The following ROBO1 variants were observed in gnomAD, a reference collection of about 807,000 sequenced individuals.
The protein encoded by ROBO1 is roundabout guidance receptor 1.
ROBO1 carries 149 observed loss-of-function variants against 195.9 expected under a neutral mutation model. The observed-to-expected ratio is 0.76, with a 90% CI of 0.67 to 0.87. ROBO1 has a LOEUF of 0.87. ROBO1 is among the 40% of genes least tolerant of loss of function. The pLI, the probability that ROBO1 is intolerant of heterozygous loss-of-function variation, is 0.00. For missense variants in ROBO1, 1,933 were observed against 2,068.3 expected, an observed-to-expected ratio of 0.93 and a Z score of 1.27; for synonymous variants, 816 against 733.2, an observed-to-expected ratio of 1.11 and a Z score of -1.82.
intron 26 of ROBO1, among the ~76,000 whole-genome samples, chr3:78,626,282 A>G (rs1704774234): frequency 2.0e-5 from 3 of 152,174 alleles, no homozygotes; most frequent in Non-Finnish European, 4.4e-5. Context: ...GTAACATTCC[A>G]TGGGTTAATA....
intron 3 of ROBO1, among the ~76,000 whole-genome samples, chr3:78,953,784 A>C (rs1229950110): frequency 2.6e-5 from 4 of 151,452 alleles, no homozygotes; most frequent in Non-Finnish European, 5.9e-5. Flanking sequence ...AACTCTCTGA[A>C]TATTAGTTTC....
At chr3:79,310,047 G>A (rs1443252992) in intron 2 of ROBO1, among the ~76,000 whole-genome samples, 1 of 151,724 alleles carries the variant, frequency 6.6e-6, no homozygotes, top group Non-Finnish European at 1.5e-5. Flanking sequence ...ATCTAATATG[G>A]GGCACACCAG....
chr3:79,648,799 A>G (rs972399704), intron 1 of ROBO1, among the ~76,000 whole-genome samples: 2 of 152,096 alleles, frequency 1.3e-5, no homozygotes, highest in Admixed American at 1.3e-4. Context: ...AGAAAAACGA[A>G]AAACTAAAAA....
chr3:79,745,047 G>C (rs1047489745), intron 1 of ROBO1, among the ~76,000 whole-genome samples: 2 of 152,084 alleles, frequency 1.3e-5, no homozygotes, highest in Non-Finnish European at 2.9e-5. Context: ...AAGGGTGCTA[G>C]TTAAGTGTTT....
chr3:79,520,459 A>C lies in ROBO1; in HGVS notation c.88+69365T>G, dbSNP rs577022209. Among the ~76,000 whole-genome samples, 7 of 152,350 alleles carry C rather than the reference A, an allele frequency of 4.6e-5. No homozygotes were observed. In the South Asian group the frequency reaches 1.0e-3, roughly 23 times the overall value. ...GTAAGCTCTGGGTCTTAAGGCATTA[A>C]TGAGTATAGAACTCAGGAGATAATA... On this transcript the variant is annotated intron_variant, in intron 2 of 30. Coordinates refer to ENST00000464233, the MANE Select transcript of ROBO1 (RefSeq NM_002941.4).
chr3:79,671,491 A>G (rs73124764), intron 1 of ROBO1, among the ~76,000 whole-genome samples: 3,877 of 151,984 alleles, frequency 0.026, 65 homozygotes, highest in Non-Finnish European at 0.039. Context: ...GACAAATTCA[A>G]CAGTACATTC....
At chr3:78,954,230 C>T (rs1255599559) in intron 3 of ROBO1, among the ~76,000 whole-genome samples, 3 of 151,888 alleles carry the variant, frequency 2.0e-5, no homozygotes. Context: ...TAACTAAAGC[C>T]ATCTATAATA....
intron 2 of ROBO1, among the ~76,000 whole-genome samples, chr3:79,452,743 AAT>A (rs1413223755): frequency 2.0e-5 from 3 of 152,066 alleles, no homozygotes; most frequent in African/African-American, 7.2e-5. Flanking sequence ...TTTTACTTGA[AAT>A]ATATATGATA....
At chr3:79,300,777 CCAAT>C (rs2032900701) in intron 2 of ROBO1, among the ~76,000 whole-genome samples, 1 of 152,056 alleles carries the variant, frequency 6.6e-6, no homozygotes, top group Admixed American at 6.5e-5. Flanking sequence ...TGTAAACACA[CCAAT>C]CAGCACCCTG....
At chr3:79,290,010 C>T (rs887151414) in intron 2 of ROBO1, among the ~76,000 whole-genome samples, 8 of 151,944 alleles carry the variant, frequency 5.3e-5, no homozygotes, top group African/African-American at 1.9e-4. Flanking sequence ...AATCAACCAT[C>T]CAATTTTCTC....
intron 2 of ROBO1, among the ~76,000 whole-genome samples, chr3:79,154,516 G>A (rs1378138607): frequency 6.6e-6 from 1 of 151,664 alleles, no homozygotes; most frequent in Non-Finnish European, 1.5e-5. Flanking sequence ...TCTAAAGTAT[G>A]GCATGAAACA....
chr3:79,657,702 G>A (rs139490543), intron 1 of ROBO1, among the ~76,000 whole-genome samples: 2 of 152,138 alleles, frequency 1.3e-5, no homozygotes, highest in East Asian at 1.9e-4. Context: ...ATATAACTGA[G>A]AGATACTCTT....
intron 3 of ROBO1, among the ~76,000 whole-genome samples, chr3:78,960,674 G>A (rs932908698): frequency 2.6e-5 from 4 of 151,782 alleles, no homozygotes; most frequent in African/African-American, 9.7e-5. Flanking sequence ...CAGTTCCTCG[G>A]GAGGCTGAGG....
chr3:79,357,951 A>G (rs1230371281), intron 2 of ROBO1, among the ~76,000 whole-genome samples: 2 of 152,152 alleles, frequency 1.3e-5, no homozygotes, highest in African/African-American at 2.4e-5. Flanking sequence ...AGCATTTTAC[A>G]TACCAACTTT....
intron 2 of ROBO1, among the ~76,000 whole-genome samples, chr3:79,471,144 A>G (rs1458481918): frequency 6.6e-6 from 1 of 152,122 alleles, no homozygotes; most frequent in African/African-American, 2.4e-5. Flanking sequence ...CACCACATAC[A>G]AAAATCAAAT....
At chr3:79,055,698 T>C (rs1041729670) in intron 3 of ROBO1, among the ~76,000 whole-genome samples, 2 of 152,102 alleles carry the variant, frequency 1.3e-5, no homozygotes, top group Non-Finnish European at 1.5e-5. Flanking sequence ...AGTTTGTTCC[T>C]GGACTCGGTC....
At chr3:79,429,503 G>A (rs1575814580) in intron 2 of ROBO1, among the ~76,000 whole-genome samples, 1 of 152,068 alleles carries the variant, frequency 6.6e-6, no homozygotes, top group African/African-American at 2.4e-5. Flanking sequence ...CCTAATCCAG[G>A]TTATAGAGTT....
At chr3:78,635,502 T>A (rs1211348819) in intron 23 of ROBO1, among the ~76,000 whole-genome samples, 1 of 152,122 alleles carries the variant, frequency 6.6e-6, no homozygotes, top group Non-Finnish European at 1.5e-5. Flanking sequence ...AATAAAAGAT[T>A]GTCCGTCCCA....
At chr3:78,686,024 T>C (rs1199904186) in intron 9 of ROBO1, 107 bp from the exon 10 acceptor site, 1 of 897,564 alleles carries the variant, frequency 1.1e-6, no homozygotes, top group African/African-American at 1.7e-5. Context: ...TATAAAAGTA[T>C]TCATACACAT....
Sources: gnomAD v4.1 joint callset for allele counts (sites outside exome capture counted in the v4.1 genomes callset) on GRCh38, gnomAD v4.1.1 for gene constraint, MANE v1.5 for transcripts, NCBI Gene and HGNC (gene_info 2026-07-23, HGNC 2026-07-21) for gene names.